The following BCAT2 variants were observed in gnomAD, a reference collection of about 807,000 sequenced individuals.
BCAT2 encodes branched chain amino acid transaminase 2.
Under a neutral mutation model 52.9 loss-of-function variants are expected in BCAT2, and 44 were observed. That is an observed-to-expected ratio of 0.83 (90% CI 0.65 to 1.07). The LOEUF is 1.07. BCAT2 is among the 50% of genes least tolerant of loss of function. The probability of loss-of-function intolerance (pLI) is 0.00; values close to 1 mark genes in which losing one functional copy is unlikely to be tolerated. For missense variants in BCAT2, 478 were observed against 521.8 expected (o/e 0.92, Z 0.82); for synonymous variants, 215 against 217.1 (o/e 0.99, Z 0.08).
intron 1 of BCAT2, chr19:48,810,659 C>T (rs1325720125): frequency 1.4e-5 from 11 of 769,540 alleles, no homozygotes; most frequent in African/African-American, 1.9e-5. Context: ...CCCACCGCAC[C>T]CCAGGGCTCC....
intron 7 of BCAT2, 67 bp downstream of exon 7, chr19:48,797,124 A>T: frequency 6.2e-7 from 1 of 1,607,442 alleles, no homozygotes; most frequent in Non-Finnish European, 8.5e-7. Context: ...TGGGGCCTGT[A>T]ACCTGCCAGG....
At position 48,800,009 on chromosome 19, in the gene BCAT2, T is replaced by C. The variant is rs2034620490; in HGVS notation, c.503A>G (p.Tyr168Cys). The C allele has an allele frequency of 2.5e-6, 4 of 1,613,640 alleles. No individual in the cohort carries two copies. Among genetic ancestry groups the C allele is most frequent in the African/African-American group, 2.7e-5 (2 of 74,914 alleles). ...GTTCCCAATGAGCACAGGCCGCACA[T>C]AGAGGCTGGTGCCGGCGGCATCGGG... The part of the protein sequence containing the change: ...WVPDAAGTSL[Y>C]VRPVLIGNEP... The change falls in exon 5 of 11, where the codon TAT (tyrosine) becomes TGT (cysteine). Residue 168 changes from tyrosine (Y) to cysteine (C), a missense_variant. Physicochemically the swap from Tyr to Cys is radical, Grantham distance 194. Coordinates refer to ENST00000316273, the MANE Select transcript of BCAT2 (RefSeq NM_001190.4).
chr19:48,807,126 C>A lies in BCAT2; in HGVS notation c.25-52G>T, dbSNP rs779952680. 4 of 1,506,866 alleles carry A rather than the reference C, an allele frequency of 2.7e-6. No homozygotes were observed. In the African/African-American group the frequency reaches 4.2e-5, roughly 16 times the overall value. 93.3% of individuals were successfully genotyped at this position (1,506,866 alleles called of 1,614,324 possible). On this transcript the variant is annotated intron_variant, in intron 1 of 10. Transcript: ENST00000316273. This position sits in a 1 kb window ranked among gnomAD's most constrained non-coding sequence, Gnocchi z 4.6. ...GGGTGAGTGGGGCACAGCAGGGGCC[C>A]TGGCAGCTCGCTCGCCACCTCCTGC...
Position 48,796,977 on chromosome 19 carries a change from C to T in BCAT2, c.884G>A (p.Gly295Glu), listed in dbSNP as rs982019973. Residue 295 changes from glycine (G) to glutamate (E), a missense_variant, in exon 8 of 11, where the codon GGA (glycine) becomes GAA (glutamate). Coordinates refer to ENST00000316273, the MANE Select transcript of BCAT2 (RefSeq NM_001190.4). The part of the protein sequence containing the change: ...TPPLNGVILP[G>E]VVRQSLLDMA... ...GTCCAGTAGACTCTGTCTGACCACT[C>T]CAGGCAGGATAACACCATTCAGCGG... 3 of 1,614,074 alleles carry T rather than the reference C, an allele frequency of 1.9e-6. No homozygotes were observed. Among genetic ancestry groups the T allele is most frequent in the Non-Finnish European group, 2.5e-6 (3 of 1,180,044 alleles).
At chr19:48,804,970 G>A (rs952742559) in intron 3 of BCAT2, among the ~76,000 whole-genome samples, 2 of 151,776 alleles carry the variant, frequency 1.3e-5, no homozygotes, top group African/African-American at 2.4e-5. Flanking sequence ...AGGGGAGAGG[G>A]GAAAAAACAA....
intron 1 of BCAT2, 54 bp downstream of exon 1, chr19:48,810,929 GA>G: frequency 6.3e-7 from 1 of 1,591,634 alleles, no homozygotes; most frequent in South Asian, 1.1e-5. Context: ...GGTCTTCCCG[GA>G]AGTGCGCCTC....
At chr19:48,796,323 C>A (rs767025426) in intron 10 of BCAT2, 105 bp downstream of exon 10, 1 of 1,400,004 alleles carries the variant, frequency 7.1e-7, no homozygotes. Context: ...ATTATCTGTT[C>A]CTGGTACTAC....
Position 48,807,173 on chromosome 19 carries a change from G to A in BCAT2, c.25-99C>T, listed in dbSNP as rs890451188. The A allele has an allele frequency of 1.8e-5, 18 of 1,012,146 alleles. No homozygotes were observed. The highest frequency in any genetic ancestry group is 2.6e-5 in the Non-Finnish European group (18 of 681,418). 62.7% of individuals were successfully genotyped at this position (1,012,146 alleles called of 1,614,324 possible). ...CTGCACTTGGAGGTCCCACTGGCCTGCCTGTTCTGTCCCAGTTTCAGTCCA... is the reference window on the plus strand; with the variant it reads ...CTGCACTTGGAGGTCCCACTGGCCTACCTGTTCTGTCCCAGTTTCAGTCCA... On this transcript the variant is annotated intron_variant, in intron 1 of 10. Coordinates refer to ENST00000316273, the MANE Select transcript of BCAT2 (RefSeq NM_001190.4). This position sits in a 1 kb window ranked among gnomAD's most constrained non-coding sequence, Gnocchi z 4.6.
Position 48,807,993 on chromosome 19 carries a change from G to A in BCAT2, c.25-919C>T. ...GCCCTGTGGGGAGGCGTTGGGGCGT[G>A]AGGTTGAGAGAGACAGAGTGGCCTG... On this transcript the variant is annotated intron_variant, in intron 1 of 10. Transcript: ENST00000316273. The surrounding 1 kb of genome is among the most constrained non-coding windows in gnomAD (Gnocchi z 4.6). The A allele has an allele frequency of 1.0e-6, 1 of 986,102 alleles. No homozygotes were observed. Among genetic ancestry groups the A allele is most frequent in the Non-Finnish European group, 1.2e-6 (1 of 830,274 alleles). The allele number at this position is 986,102 out of a possible 1,614,324, so 61.1% of individuals were successfully genotyped here.
intron 1 of BCAT2, among the ~76,000 whole-genome samples, chr19:48,808,942 C>T (rs536666420): frequency 2.6e-5 from 4 of 151,630 alleles, no homozygotes; most frequent in Admixed American, 6.6e-5. Context: ...GGTATGGTGG[C>T]ACACACCTGT....
In BCAT2 at chr19:48,806,658, C is replaced by T. The variant is rs1219437613; in HGVS notation, c.159G>A (p.Glu53=). ...QKPHKKPGPG[E]PLVFGKTFTD... is the part of the protein sequence containing the mutation. ...TAAATGTCTTCCCAAACACCAGGGG[C>T]TCGCCGGGGCCAGGCTTCTTATGAG... is the stretch of plus-strand genomic sequence containing the variant. The change falls in exon 3 of 11, where the codon GAG becomes GAA. Residue 53 remains glutamate, a synonymous_variant. Coordinates refer to ENST00000316273, the MANE Select transcript of BCAT2 (RefSeq NM_001190.4). 1.2e-6 allele frequency: 2 copies of T among 1,614,138 alleles called. No individual in the cohort carries two copies. The highest frequency in any genetic ancestry group is 1.7e-5 in the Admixed American group (1 of 60,024).
chr19:48,800,200 C>T lies in BCAT2; in HGVS notation c.398G>A (p.Arg133His), dbSNP rs760322244. ...GGGACCCCTCACCGGCAGGCACAGG[C>T]GCATGGCTGAGCGCAGCATCCGGTC... ...NMDRMLRSAM[R>H]LCLPSFDKLE... The change falls in exon 4 of 11, where the codon CGC (arginine) becomes CAC (histidine). Residue 133 changes from arginine (R) to histidine (H), a missense_variant. Coordinates refer to ENST00000316273, the MANE Select transcript of BCAT2 (RefSeq NM_001190.4). 7 of 1,613,454 alleles carry T rather than the reference C, an allele frequency of 4.3e-6. No individual in the cohort carries two copies. The highest frequency in any genetic ancestry group is 3.3e-5 in the Admixed American group (2 of 60,004).
At chr19:48,797,739 C>CCTCTG (rs2034561011) in intron 6 of BCAT2, among the ~76,000 whole-genome samples, 1 of 151,592 alleles carries the variant, frequency 6.6e-6, no homozygotes, top group East Asian at 1.9e-4. Flanking sequence ...TGAGCCACCG[C>CCTCTG]GCCCAGCCCT....
intron 3 of BCAT2, among the ~76,000 whole-genome samples, chr19:48,801,565 A>AAT (rs377161701): frequency 0.014 from 2,063 of 150,410 alleles, 37 homozygotes; most frequent in African/African-American, 0.043. Flanking sequence ...GTCTAAACAA[A>AAT]ATATATATAT....
intron 3 of BCAT2, 67 bp downstream of exon 3, chr19:48,806,450 G>C: frequency 6.3e-7 from 1 of 1,576,878 alleles, no homozygotes; most frequent in South Asian, 1.1e-5. Flanking sequence ...GGTACACCTG[G>C]CAAGAGACAC....
intron 1 of BCAT2, among the ~76,000 whole-genome samples, chr19:48,809,980 T>C (rs2034884042): frequency 6.6e-6 from 1 of 152,008 alleles, no homozygotes; most frequent in African/African-American, 2.4e-5. Flanking sequence ...GAATGTCCCA[T>C]CATGAGTTCA....
In BCAT2 at chr19:48,799,464, C is replaced by A. The variant is rs1024324573; in HGVS notation, c.695+211G>T. 1.1e-5 allele frequency: 7 copies of A among 642,568 alleles called. No individual in the cohort carries two copies. The highest frequency in any genetic ancestry group is 2.8e-5 in the South Asian group (1 of 35,474). 39.8% of individuals were successfully genotyped at this position (642,568 alleles called of 1,614,324 possible). ...ACCCAATGCCTTCCCATCTGTGAGC[C>A]TTTTTGTCCATCTGAAAAATAATCC... On this transcript the variant is annotated intron_variant, in intron 6 of 10. Coordinates refer to ENST00000316273, the MANE Select transcript of BCAT2 (RefSeq NM_001190.4). The surrounding 1 kb of genome is among the most constrained non-coding windows in gnomAD (Gnocchi z 5.5).
chr19:48,806,875 A>T, intron 2 of BCAT2, 125 bp downstream of exon 2: 2 of 1,403,558 alleles, frequency 1.4e-6, no homozygotes, highest in South Asian at 1.2e-5. Flanking sequence ...CTGCGGCCCA[A>T]TGGCAGGCTG....
intron 6 of BCAT2, among the ~76,000 whole-genome samples, chr19:48,798,077 A>G (rs558315409): frequency 4.6e-5 from 7 of 151,692 alleles, no homozygotes; most frequent in South Asian, 2.1e-4. Context: ...CTTACTTTTT[A>G]TATTTTTAGT....
Sources: allele counts gnomAD v4.1 joint callset (sites outside exome capture counted in the v4.1 genomes callset), GRCh38; gene constraint gnomAD v4.1.1; non-coding constraint Gnocchi (gnomAD v3.1); transcripts MANE v1.5; gene names NCBI Gene and HGNC (gene_info 2026-07-23, HGNC 2026-07-21).